The following SLA variants were observed in gnomAD, a reference collection of about 807,000 sequenced individuals.
SLA encodes the protein src-like-adapter.
A neutral mutation model predicts 30.3 loss-of-function variants in SLA; 16 were observed. The ratio of observed to expected loss-of-function variants is 0.53; its 90% CI spans 0.36 to 0.80. The LOEUF (loss-of-function observed/expected upper bound fraction) is 0.80. SLA is among the 30% of genes least tolerant of loss of function. The probability of loss-of-function intolerance (pLI) is 0.01; values close to 1 mark genes in which losing one functional copy is unlikely to be tolerated. For synonymous variants in SLA, 143 were observed against 137.8 expected (o/e 1.04, Z -0.26); for missense variants, 310 against 345.2 (o/e 0.90, Z 0.81).
At chr8:133,102,337 G>A in intron 1 of SLA, 1 of 494,458 alleles carries the variant, frequency 2.0e-6, no homozygotes. Context: ...GCTTCCCAGG[G>A]AAGTCACGGA....
At chr8:133,075,748 C>T (rs569475121) in intron 1 of SLA, among the ~76,000 whole-genome samples, 1 of 151,984 alleles carries the variant, frequency 6.6e-6, no homozygotes, top group East Asian at 1.9e-4. Context: ...AAACCACAAT[C>T]ATTGTGGCAC....
intron 6 of SLA, among the ~76,000 whole-genome samples, chr8:133,046,314 A>G (rs1309392176): frequency 1.3e-5 from 2 of 152,334 alleles, no homozygotes; most frequent in African/African-American, 2.4e-5. Flanking sequence ...ATTGCCCCCA[A>G]TTATTTTAAA....
At chr8:133,061,178 T>C (rs1389241953) in intron 2 of SLA, among the ~76,000 whole-genome samples, 1 of 152,118 alleles carries the variant, frequency 6.6e-6, no homozygotes, top group Admixed American at 6.5e-5. Flanking sequence ...CCCAGCTAAT[T>C]TTTGTATTTT....
intron 5 of SLA, chr8:133,049,561 A>C: frequency 3.2e-6 from 1 of 310,996 alleles, no homozygotes; most frequent in South Asian, 3.6e-5. Flanking sequence ...TGACAGAGGC[A>C]GGATTTGAAC....
chr8:133,085,512 AAGAC>A (rs745310266), intron 1 of SLA, among the ~76,000 whole-genome samples: 22 of 152,338 alleles, frequency 1.4e-4, no homozygotes, highest in Non-Finnish European at 2.9e-4. Flanking sequence ...CAGTAACAAA[AAGAC>A]AGATAACTCA....
intron 3 of SLA, 141 bp from the exon 4 acceptor site, chr8:133,051,056 G>T: frequency 1.6e-6 from 1 of 621,348 alleles, no homozygotes. Flanking sequence ...CCAATTTACA[G>T]CAAGGTCCTC....
chr8:133,059,148 C>T (rs780644762), intron 3 of SLA: 51 of 456,278 alleles, frequency 1.1e-4, no homozygotes, highest in South Asian at 7.6e-4. Context: ...GAACTCCGCC[C>T]AGGGCGGTGC....
rs547382949 is a variant in SLA, at chr8:133,092,692, G to A, written c.-319+9861C>T. Among the ~76,000 whole-genome samples, 73 of 152,178 alleles carry A rather than the reference G, an allele frequency of 4.8e-4. 1 individual carries two copies. The South Asian group carries it at 0.012, about 26-fold the overall frequency. Reference sequence around the variant, plus strand: ...GAGTGACACAGCTGGGGTTCAAACCGAGCCCTTCTGCCCCAATCCCATGCT... The same window carrying A: ...GAGTGACACAGCTGGGGTTCAAACCAAGCCCTTCTGCCCCAATCCCATGCT... On this transcript the variant is annotated intron_variant, in intron 1 of 8. Coordinates refer to ENST00000338087, the MANE Select transcript of SLA (RefSeq NM_001045556.3).
intron 7 of SLA, among the ~76,000 whole-genome samples, chr8:133,044,458 C>A (rs1838918452): frequency 6.6e-6 from 1 of 152,104 alleles, no homozygotes. Flanking sequence ...AGGAATACAG[C>A]CTAGCACACA....
At chr8:133,082,906 G>T (rs995034552) in intron 1 of SLA, among the ~76,000 whole-genome samples, 1 of 152,090 alleles carries the variant, frequency 6.6e-6, no homozygotes, top group African/African-American at 2.4e-5. Flanking sequence ...AACTAGCCTC[G>T]ATGTAATTTA....
chr8:133,099,080 G>A (rs531996021), intron 1 of SLA, among the ~76,000 whole-genome samples: 2 of 152,186 alleles, frequency 1.3e-5, no homozygotes, highest in African/African-American at 4.8e-5. Context: ...AGAAAGATGG[G>A]GCCACCAGCA....
In SLA at chr8:133,074,974, C is replaced by G; in HGVS notation, c.-162G>C. On this transcript the variant is annotated 5_prime_UTR_variant, in exon 2 of 9. Transcript: ENST00000338087. The stretch of plus-strand genomic sequence containing the variant: ...AGAATAAACAGGCAGCCGGGCTTCT[C>G]GCGGTTGTGGAGAAGCAGCCCATGC... 9 of 985,430 alleles carry G rather than the reference C, an allele frequency of 9.1e-6. No homozygotes were observed. The highest frequency in any genetic ancestry group is 1.1e-5 in the Non-Finnish European group (9 of 829,968). 61.0% of individuals were successfully genotyped at this position (985,430 alleles called of 1,614,324 possible). A position where few individuals can be genotyped will look rare whatever the true frequency, so the allele number is the denominator to read the frequency against.
chr8:133,069,710 G>A (rs1243877175), intron 2 of SLA, among the ~76,000 whole-genome samples: 1 of 152,138 alleles, frequency 6.6e-6, no homozygotes, highest in African/African-American at 2.4e-5. Flanking sequence ...GTTAGAAACA[G>A]AAGAAAAAGG....
rs1417413971 is a variant in SLA, at chr8:133,038,547, A to T, written c.808T>A (p.Ser270Thr). The change falls in exon 9 of 9, where the codon TCA (serine) becomes ACA (threonine). Residue 270 changes from serine to threonine, a missense_variant. Coordinates refer to ENST00000338087, the MANE Select transcript of SLA (RefSeq NM_001045556.3). Reference protein sequence around the residue: ...GSKRKSSFFSSPPYFED With the variant: ...GSKRKSSFFSTPPYFED ...GGCTAGTCCTCAAAGTAAGGTGGTGATGAGAAGAATGAGCTCTTTCTCTTG... is the reference window on the plus strand; with the variant it reads ...GGCTAGTCCTCAAAGTAAGGTGGTGTTGAGAAGAATGAGCTCTTTCTCTTG... 6.2e-6 allele frequency: 10 copies of T among 1,613,314 alleles called. No individual in the cohort carries two copies. The Middle Eastern group carries it at 6.6e-4, about 106-fold the overall frequency.
At chr8:133,095,307 C>T (rs1848237861) in intron 1 of SLA, 2 of 1,536,372 alleles carry the variant, frequency 1.3e-6, no homozygotes, top group East Asian at 4.5e-5. Flanking sequence ...CCAGCCATAC[C>T]ACACATGAGG....
intron 1 of SLA, among the ~76,000 whole-genome samples, chr8:133,088,443 C>T (rs1371311090): frequency 1.3e-5 from 2 of 152,190 alleles, no homozygotes; most frequent in Admixed American, 1.3e-4. Flanking sequence ...TCTAGCCCTG[C>T]TACTGATCAG....
intron 1 of SLA, among the ~76,000 whole-genome samples, chr8:133,093,518 T>G (rs1182705122): frequency 6.6e-6 from 1 of 152,158 alleles, no homozygotes; most frequent in Non-Finnish European, 1.5e-5. Context: ...CTGGAGTCTA[T>G]GGACCTAGTT....
At chr8:133,050,769 G>T (rs1840250601) in intron 4 of SLA, 47 bp downstream of exon 4, 2 of 1,254,044 alleles carry the variant, frequency 1.6e-6, no homozygotes, top group African/African-American at 1.5e-5. Flanking sequence ...CCCAAACCAA[G>T]TTTATCCTGC....
intron 2 of SLA, among the ~76,000 whole-genome samples, chr8:133,071,147 C>T (rs780181854): frequency 2.0e-5 from 3 of 152,194 alleles, no homozygotes; most frequent in Admixed American, 6.5e-5. Flanking sequence ...TGTACAACAA[C>T]AGGAGAGGGG....
Sources: gnomAD v4.1 joint callset for allele counts (sites outside exome capture counted in the v4.1 genomes callset) on GRCh38, gnomAD v4.1.1 for gene constraint, MANE v1.5 for transcripts, NCBI Gene and HGNC (gene_info 2026-07-23, HGNC 2026-07-21) for gene names.